Variants in KCNQ5 observed in about 807,000 individuals in gnomAD.
The protein encoded by KCNQ5 is potassium voltage-gated channel subfamily Q member 5.
A neutral mutation model predicts 98.2 loss-of-function variants in KCNQ5; 30 were observed. The observed-to-expected ratio is 0.31, with a 90% CI of 0.23 to 0.41. The LOEUF is 0.41. KCNQ5 is among the 10% of genes least tolerant of loss of function. The probability of loss-of-function intolerance (pLI) is 1.00; values close to 1 mark genes in which losing one functional copy is unlikely to be tolerated. For synonymous variants in KCNQ5, 458 were observed against 449.4 expected (o/e 1.02, Z -0.24); for missense variants, 835 against 1,182.5 (o/e 0.71, Z 4.31).
At chr6:72,795,414 T>C (rs532550552) in intron 1 of KCNQ5, among the ~76,000 whole-genome samples, 19 of 152,318 alleles carry the variant, frequency 1.2e-4, no homozygotes, top group African/African-American at 4.6e-4. Flanking sequence ...AAAATTTGTA[T>C]TGCATATATT....
intron 1 of KCNQ5, among the ~76,000 whole-genome samples, chr6:72,839,183 T>G (rs866067750): frequency 1.3e-5 from 2 of 152,314 alleles, no homozygotes; most frequent in South Asian, 4.1e-4. Flanking sequence ...ATACAGTTCT[T>G]GTGTGAAAAT....
At chr6:72,771,656 G>T (rs979815212) in intron 1 of KCNQ5, among the ~76,000 whole-genome samples, 12 of 148,446 alleles carry the variant, frequency 8.1e-5, no homozygotes, top group African/African-American at 3.0e-4. Flanking sequence ...ATTTCACTGT[G>T]TGTGTGTGTG....
intron 1 of KCNQ5, among the ~76,000 whole-genome samples, chr6:72,836,788 G>A (rs984891910): frequency 6.6e-6 from 1 of 152,098 alleles, no homozygotes; most frequent in Non-Finnish European, 1.5e-5. Context: ...GTAATTTATT[G>A]TTTCAATTTC....
At chr6:73,128,821 G>A (rs1582409992) in intron 9 of KCNQ5, among the ~76,000 whole-genome samples, 1 of 152,074 alleles carries the variant, frequency 6.6e-6, no homozygotes, top group African/African-American at 2.4e-5. Flanking sequence ...TGTCTTAAAC[G>A]TTAAGGCAAA....
chr6:73,157,627 C>T, intron 10 of KCNQ5: 1 of 773,954 alleles, frequency 1.3e-6, no homozygotes, highest in Non-Finnish European at 2.4e-6. Context: ...GGTAGGTGAA[C>T]GCAGCATGGG....
At chr6:72,732,339 C>T (rs1377212236) in intron 1 of KCNQ5, among the ~76,000 whole-genome samples, 1 of 151,768 alleles carries the variant, frequency 6.6e-6, no homozygotes, top group South Asian at 2.1e-4. Context: ...GTGGAAATTG[C>T]ACTGAGTCCC....
chr6:72,958,462 A>C (rs1007763362), intron 1 of KCNQ5, among the ~76,000 whole-genome samples: 4 of 152,196 alleles, frequency 2.6e-5, no homozygotes, highest in African/African-American at 9.7e-5. Context: ...CATCATATCC[A>C]TGGGCACAAT....
intron 5 of KCNQ5, among the ~76,000 whole-genome samples, chr6:73,104,813 C>T (rs1436981270): frequency 6.6e-6 from 1 of 152,210 alleles, no homozygotes; most frequent in Non-Finnish European, 1.5e-5. Context: ...AGGACAAGAA[C>T]TATGCCCTCA....
intron 1 of KCNQ5, among the ~76,000 whole-genome samples, chr6:72,816,746 C>T (rs1775524553): frequency 6.6e-6 from 1 of 152,172 alleles, no homozygotes; most frequent in Non-Finnish European, 1.5e-5. Context: ...ATGGATGTGG[C>T]CTGTCTTCCC....
rs1765877427 is a variant in KCNQ5, at chr6:73,198,667, C to A, written c.*3253C>A. 2 of 152,200 alleles carry A rather than the reference C, an allele frequency of 1.3e-5. No individual in the cohort carries two copies. Among genetic ancestry groups the A allele is most frequent in the South Asian group, 4.1e-4 (2 of 4,836 alleles). The allele number at this position is 152,200 out of a possible 1,614,324, so 9.4% of individuals were successfully genotyped here. A position where few individuals can be genotyped will look rare whatever the true frequency, so the allele number is the denominator to read the frequency against. The stretch of plus-strand genomic sequence containing the variant: ...TTTTGTAAGAGAAACTTAATCTAAT[C>A]TAATAATGTGCATTTAAGTAAGCAG... On this transcript the variant is annotated 3_prime_UTR_variant, in exon 14 of 14. Transcript: ENST00000370398.
intron 2 of KCNQ5, among the ~76,000 whole-genome samples, chr6:73,041,219 C>A (rs1771672208): frequency 6.6e-6 from 1 of 152,290 alleles, no homozygotes; most frequent in Non-Finnish European, 1.5e-5. Flanking sequence ...CTCTAGCTGG[C>A]CTTTCCCCAG....
At chr6:72,698,537 G>A (rs1238689141) in intron 1 of KCNQ5, among the ~76,000 whole-genome samples, 1 of 151,952 alleles carries the variant, frequency 6.6e-6, no homozygotes, top group Non-Finnish European at 1.5e-5. Context: ...TGCAATTATG[G>A]GGGGATTTTC....
chr6:72,717,849 G>A (rs942318155), intron 1 of KCNQ5, among the ~76,000 whole-genome samples: 6 of 152,168 alleles, frequency 3.9e-5, no homozygotes, highest in African/African-American at 1.2e-4. Flanking sequence ...CACTAAGGAG[G>A]TGTTTGAAAA....
In KCNQ5 at chr6:73,024,383, A is replaced by ATAGATAGATAGAT. The variant is rs1292915360; in HGVS notation, c.490-17552_490-17540dup. On this transcript the variant is annotated intron_variant, in intron 2 of 13. Transcript: ENST00000370398. ...AAAGCGATAGATAGATAGATAGATG[A>ATAGATAGATAGAT]TAGATAGATAGATAGATAGATAGAT... Among the ~76,000 whole-genome samples, 17 of 149,674 alleles carry ATAGATAGATAGAT rather than the reference A, an allele frequency of 1.1e-4. 1 individual carries two copies. Among genetic ancestry groups the ATAGATAGATAGAT allele is most frequent in the African/African-American group, 1.7e-4 (7 of 40,188 alleles).
At chr6:72,833,333 C>T (rs542848628) in intron 1 of KCNQ5, among the ~76,000 whole-genome samples, 1 of 152,172 alleles carries the variant, frequency 6.6e-6, no homozygotes, top group South Asian at 2.1e-4. Flanking sequence ...TTATTAGCCA[C>T]ATCCCCAAAG....
At chr6:73,131,709 T>C (rs1261602068) in intron 9 of KCNQ5, among the ~76,000 whole-genome samples, 3 of 152,242 alleles carry the variant, frequency 2.0e-5, no homozygotes, top group Non-Finnish European at 4.4e-5. Flanking sequence ...AGCCTGAGAA[T>C]TAAAAGATGC....
chr6:73,113,711 T>C (rs774309915), intron 7 of KCNQ5, among the ~76,000 whole-genome samples: 2 of 152,268 alleles, frequency 1.3e-5, no homozygotes, highest in Non-Finnish European at 1.5e-5. Context: ...CAGCAAATCA[T>C]TGGAGCAGAG....
chr6:72,885,203 A>G (rs889631515), intron 1 of KCNQ5, among the ~76,000 whole-genome samples: 2 of 152,224 alleles, frequency 1.3e-5, no homozygotes, highest in Non-Finnish European at 2.9e-5. Flanking sequence ...GACGATTTCA[A>G]TTTTGACTAC....
chr6:72,714,390 C>G (rs935334946), intron 1 of KCNQ5, among the ~76,000 whole-genome samples: 2 of 151,954 alleles, frequency 1.3e-5, no homozygotes, highest in South Asian at 2.1e-4. Context: ...AGGAGCTTGT[C>G]ATAACCCTTT....
Sources: gnomAD v4.1 joint callset for allele counts (sites outside exome capture counted in the v4.1 genomes callset) on GRCh38, gnomAD v4.1.1 for gene constraint, MANE v1.5 for transcripts, NCBI Gene and HGNC (gene_info 2026-07-23, HGNC 2026-07-21) for gene names.